Variants in DGKG observed in about 807,000 individuals in gnomAD.
DGKG encodes the protein DAG kinase gamma.
A neutral mutation model predicts 105.3 loss-of-function variants in DGKG; 78 were observed. The ratio of observed to expected loss-of-function variants is 0.74; its 90% CI spans 0.62 to 0.89. The LOEUF is 0.89. DGKG is among the 40% of genes least tolerant of loss of function. The pLI is 0.00. For missense variants in DGKG, 958 were observed against 1,020.1 expected (o/e 0.94, Z 0.83); for synonymous variants, 346 against 367.1 (o/e 0.94, Z 0.66).
At chr3:186,275,727 CT>C in intron 9 of DGKG, 63 bp from the exon 10 acceptor site, 1 of 1,087,420 alleles carries the variant, frequency 9.2e-7, no homozygotes, top group Non-Finnish European at 1.4e-6. Context: ...AAGCCAGGGG[CT>C]GCCTCTTGCA....
At chr3:186,173,558 CTCTCCT>C (rs1354792381) in intron 22 of DGKG, among the ~76,000 whole-genome samples, 1 of 152,266 alleles carries the variant, frequency 6.6e-6, no homozygotes, top group African/African-American at 2.4e-5. Flanking sequence ...CCTCGGGCTC[CTCTCCT>C]GCCTCCAAAT....
intron 5 of DGKG, among the ~76,000 whole-genome samples, chr3:186,296,077 C>T (rs1723545623): frequency 6.7e-6 from 1 of 148,998 alleles, no homozygotes; most frequent in Non-Finnish European, 1.5e-5. Flanking sequence ...CCACTGCACT[C>T]CAGCCTGGGG....
intron 19 of DGKG, among the ~76,000 whole-genome samples, chr3:186,247,779 C>A (rs985730496): frequency 6.6e-6 from 1 of 152,094 alleles, no homozygotes; most frequent in Non-Finnish European, 1.5e-5. Context: ...CATGGATAAG[C>A]TAAAGGTGTA....
At chr3:186,200,632 G>A (rs1017057407) in intron 21 of DGKG, among the ~76,000 whole-genome samples, 22 of 152,220 alleles carry the variant, frequency 1.4e-4, no homozygotes, top group Non-Finnish European at 1.9e-4. Flanking sequence ...GCTAGTGTGC[G>A]CTGTGCTGAA....
At position 186,150,238 on chromosome 3, in the gene DGKG, C is replaced by G. The variant is rs377206288; in HGVS notation, c.2278-50G>C. On this transcript the variant is annotated intron_variant, in intron 24 of 24. Transcript: ENST00000265022. Reference sequence around the variant, plus strand: ...ATTAGTGGCATGCAAATCTCAGTAGCCTAAGGGAGAGTGAGTCGCAGAGAA... The same window carrying G: ...ATTAGTGGCATGCAAATCTCAGTAGGCTAAGGGAGAGTGAGTCGCAGAGAA... 4 of 1,570,252 alleles carry G rather than the reference C, an allele frequency of 2.5e-6. No homozygotes were observed. The East Asian group carries it at 7.0e-5, about 27-fold the overall frequency.
chr3:186,257,858 G>T lies in DGKG; in HGVS notation c.1506C>A (p.Cys502Ter), dbSNP rs1179787483. The T allele has an allele frequency of 5.6e-6, 9 of 1,613,034 alleles. No individual in the cohort carries two copies. Among genetic ancestry groups the T allele is most frequent in the Non-Finnish European group, 6.8e-6 (8 of 1,179,174 alleles). The change falls in exon 17 of 25, where the codon TGC becomes TGA. Residue 502 changes from cysteine to a stop codon, truncating the protein, a stop_gained. Coordinates refer to ENST00000265022, the MANE Select transcript of DGKG (RefSeq NM_001346.3). LOFTEE classifies it high-confidence loss of function. The stretch of plus-strand genomic sequence containing the variant: ...GCCCTCTCAGCCCATGCTTACCAAT[G>T]CAATCCAAAATCCAGCCAACTGTCC... ...GDGTVGWILD[C>*]IDKANFAKHP... is the part of the protein sequence containing the mutation.
chr3:186,291,605 A>G (rs1233786569), intron 5 of DGKG, among the ~76,000 whole-genome samples: 1 of 152,220 alleles, frequency 6.6e-6, no homozygotes, highest in African/African-American at 2.4e-5. Flanking sequence ...ATAAATCTCA[A>G]AATTATTACA....
At chr3:186,173,533 C>T (rs1042472214) in intron 22 of DGKG, among the ~76,000 whole-genome samples, 8 of 152,246 alleles carry the variant, frequency 5.3e-5, no homozygotes, top group Admixed American at 5.2e-4. Flanking sequence ...CCCACTAAGG[C>T]GCCGGCAGGC....
In DGKG at chr3:186,320,563, T is replaced by C; in HGVS notation, c.-104A>G. 6.3e-7 allele frequency: 1 copy of C among 1,589,718 alleles called. No individual in the cohort carries two copies. Among genetic ancestry groups the C allele is most frequent in the Non-Finnish European group, 8.6e-7 (1 of 1,166,776 alleles). On this transcript the variant is annotated 5_prime_UTR_variant, in exon 2 of 25. Coordinates refer to ENST00000265022, the MANE Select transcript of DGKG (RefSeq NM_001346.3). Reference sequence around the variant, plus strand: ...CCTGGCTCATTGCAGGTTTGCGATGTAAGCCTTTCAGGAGACTTCTGGGAG... The same window carrying C: ...CCTGGCTCATTGCAGGTTTGCGATGCAAGCCTTTCAGGAGACTTCTGGGAG...
intron 1 of DGKG, among the ~76,000 whole-genome samples, chr3:186,353,693 T>TCTATATCTATATCTATAA (rs1560169636): frequency 2.4e-5 from 3 of 123,488 alleles, no homozygotes; most frequent in African/African-American, 9.0e-5. Flanking sequence ...TATATCTATA[T>TCTATATCTATATCTATAA]CTATATCTAT....
chr3:186,322,050 G>A (rs1469302316), intron 1 of DGKG, among the ~76,000 whole-genome samples: 3 of 152,072 alleles, frequency 2.0e-5, no homozygotes, highest in Non-Finnish European at 2.9e-5. Flanking sequence ...TCTTTGCCAT[G>A]GCAGAAAACT....
intron 10 of DGKG, among the ~76,000 whole-genome samples, chr3:186,274,958 G>A (rs1301870111): frequency 2.6e-5 from 4 of 152,080 alleles, no homozygotes. Context: ...TTGAGGAATC[G>A]CCACACTGTC....
rs567418346 is a variant in DGKG at position 186,164,843 on chromosome 3, G to A, written c.2216+55C>T. The stretch of plus-strand genomic sequence containing the variant: ...AAGATGGCTTCTCAGTTGTCTGCAT[G>A]AATGTGTACGCAGGCGGGGAGATGC... On this transcript the variant is annotated intron_variant, in intron 23 of 24. Coordinates refer to ENST00000265022, the MANE Select transcript of DGKG (RefSeq NM_001346.3). 5 of 1,549,600 alleles carry A rather than the reference G, an allele frequency of 3.2e-6. No individual in the cohort carries two copies. The East Asian group carries it at 1.1e-4, about 35-fold the overall frequency.
At chr3:186,250,706 C>T (rs950483796) in intron 19 of DGKG, among the ~76,000 whole-genome samples, 15 of 151,738 alleles carry the variant, frequency 9.9e-5, no homozygotes, top group East Asian at 9.7e-4. Context: ...CCCACCACCA[C>T]GCTCGGCTAA....
At chr3:186,222,155 C>T (rs906937270) in intron 20 of DGKG, among the ~76,000 whole-genome samples, 1 of 152,228 alleles carries the variant, frequency 6.6e-6, no homozygotes, top group African/African-American at 2.4e-5. Flanking sequence ...GTTCTCCCCT[C>T]TCGCTCCCCA....
chr3:186,160,873 G>A, intron 24 of DGKG: 1 of 985,442 alleles, frequency 1.0e-6, no homozygotes, highest in Non-Finnish European at 1.2e-6. Context: ...GTGCTAAAGG[G>A]AGAGCTAACG....
intron 1 of DGKG, among the ~76,000 whole-genome samples, chr3:186,337,621 G>C (rs752062076): frequency 6.6e-6 from 1 of 152,068 alleles, no homozygotes; most frequent in Non-Finnish European, 1.5e-5. Context: ...AGAGATCCCA[G>C]TTAATGCAAT....
rs561316518 is a variant in DGKG, at chr3:186,272,382, G to C, written c.911-39C>G. On this transcript the variant is annotated intron_variant, in intron 10 of 24. Transcript: ENST00000265022. ...AAGTCAAGGCAGGTGCTTGTGAATAGCCACGTAGGAAAGGCCCAGCTGCCC... is the reference window on the plus strand; with the variant it reads ...AAGTCAAGGCAGGTGCTTGTGAATACCCACGTAGGAAAGGCCCAGCTGCCC... 663 of 1,494,624 alleles carry C rather than the reference G, an allele frequency of 4.4e-4. 3 individuals carry two copies. In the African/African-American group the frequency reaches 7.2e-3, roughly 16 times the overall value. 92.6% of individuals were successfully genotyped at this position (1,494,624 alleles called of 1,614,324 possible).
At position 186,272,343 on chromosome 3, in the gene DGKG, T is replaced by C; in HGVS notation, c.911A>G (p.Tyr304Cys). The change falls in exon 11 of 25, where the codon TAC (tyrosine) becomes TGC (cysteine). Residue 304 changes from tyrosine (Y) to cysteine (C), a missense_variant and splice_region_variant. Coordinates refer to ENST00000265022, the MANE Select transcript of DGKG (RefSeq NM_001346.3). ...GCGTTCGTGGACAGTGTATTTACAG[T>C]CTGAAAAGAAAAAAAGTCAAGGCAG... ...GVRKQGLCCTYCKYTVHERCV... is the reference protein window; with the variant it reads ...GVRKQGLCCTCCKYTVHERCV... 6.2e-7 allele frequency: 1 copy of C among 1,611,228 alleles called. No individual in the cohort carries two copies. Among genetic ancestry groups the C allele is most frequent in the East Asian group, 2.2e-5 (1 of 44,818 alleles).
Sources: gnomAD v4.1 joint callset for allele counts (sites outside exome capture counted in the v4.1 genomes callset) on GRCh38, gnomAD v4.1.1 for gene constraint, MANE v1.5 for transcripts, NCBI Gene and HGNC (gene_info 2026-07-23, HGNC 2026-07-21) for gene names.